Variants in PDE8A observed in about 807,000 individuals in gnomAD.
PDE8A encodes the protein phosphodiesterase 8A.
A neutral mutation model predicts 105.0 loss-of-function variants in PDE8A; 59 were observed. The observed-to-expected ratio is 0.56, with a 90% CI of 0.46 to 0.70. The LOEUF is 0.70. Ranked by LOEUF, PDE8A falls within the 30% of genes least tolerant of loss-of-function variation. The pLI, the probability that PDE8A is intolerant of heterozygous loss-of-function variation, is 0.00. For missense variants in PDE8A, 1,014 were observed against 1,045.9 expected, an observed-to-expected ratio of 0.97 and a Z score of 0.42; for synonymous variants, 355 against 371.9, an observed-to-expected ratio of 0.95 and a Z score of 0.52.
intron 6 of PDE8A, among the ~76,000 whole-genome samples, chr15:85,087,858 G>C (rs1388013350): frequency 1.3e-5 from 2 of 152,066 alleles, no homozygotes; most frequent in African/African-American, 4.8e-5. Flanking sequence ...TTAATGCCTA[G>C]AACATTTTTC....
chr15:85,110,891 G>A (rs2082012032), intron 12 of PDE8A, among the ~76,000 whole-genome samples: 1 of 152,178 alleles, frequency 6.6e-6, no homozygotes, highest in Non-Finnish European at 1.5e-5. Context: ...TCACTCATCT[G>A]TGAGAGTTCC....
intron 16 of PDE8A, among the ~76,000 whole-genome samples, chr15:85,117,141 A>G (rs2082108841): frequency 1.3e-5 from 2 of 152,232 alleles, no homozygotes; most frequent in South Asian, 2.1e-4. Context: ...GCCCACCTCC[A>G]GAAAGGTGGG....
At chr15:85,058,666 C>T (rs2081099815) in intron 1 of PDE8A, among the ~76,000 whole-genome samples, 1 of 152,010 alleles carries the variant, frequency 6.6e-6, no homozygotes, top group South Asian at 2.1e-4. Flanking sequence ...CCATTTTATC[C>T]AGATTATCCA....
At position 85,092,936 on chromosome 15, in the gene PDE8A, T is replaced by C. The variant is rs1279124385; in HGVS notation, c.852+1755T>C. On this transcript the variant is annotated intron_variant, in intron 8 of 21. Transcript: ENST00000394553. ...ACTGCTTTCCTTTTTTTTTTTTTTT[T>C]CTTGAGACAGGGTCTCATTCTGTCA... is the stretch of plus-strand genomic sequence containing the variant. Among the ~76,000 whole-genome samples, 10 of 108,270 alleles carry C rather than the reference T, an allele frequency of 9.2e-5. No individual in the cohort carries two copies. The East Asian group carries it at 2.1e-3, about 23-fold the overall frequency. The allele number at this position is 108,270 out of a possible 152,430, so 71.0% of individuals were successfully genotyped here.
At chr15:85,093,698 T>G (rs528895238) in intron 8 of PDE8A, among the ~76,000 whole-genome samples, 12 of 152,338 alleles carry the variant, frequency 7.9e-5, no homozygotes, top group African/African-American at 2.6e-4. Context: ...GGTATGTTGA[T>G]TTCCAGCCCC....
At position 85,138,455 on chromosome 15, in the gene PDE8A, A is replaced by T. The variant is rs867067713; in HGVS notation, c.*552A>T. The stretch of plus-strand genomic sequence containing the variant: ...AAAATGTTTTATTTATTTTATTAAA[A>T]GCTCAATATTTTCTATGAATTCAAA... On this transcript the variant is annotated 3_prime_UTR_variant, in exon 22 of 22. Coordinates refer to ENST00000394553, the MANE Select transcript of PDE8A (RefSeq NM_002605.3). 6.6e-6 allele frequency: 1 copy of T among 152,654 alleles called. No homozygotes were observed. The highest frequency in any genetic ancestry group is 1.5e-5 in the Non-Finnish European group (1 of 68,050). 9.5% of individuals were successfully genotyped at this position (152,654 alleles called of 1,614,324 possible). A position where few individuals can be genotyped will look rare whatever the true frequency, so the allele number is the denominator to read the frequency against.
chr15:85,131,030 T>G (rs1302181077), intron 20 of PDE8A, among the ~76,000 whole-genome samples: 3 of 152,218 alleles, frequency 2.0e-5, no homozygotes, highest in African/African-American at 7.2e-5. Flanking sequence ...GTGCTGAGAT[T>G]ACAGGCCTGA....
intron 8 of PDE8A, among the ~76,000 whole-genome samples, chr15:85,093,296 G>A (rs2081680135): frequency 6.6e-6 from 1 of 152,210 alleles, no homozygotes; most frequent in African/African-American, 2.4e-5. Flanking sequence ...CCTTTGTCAG[G>A]AACCTGCTGG....
chr15:85,049,075 C>T (rs1261872677), intron 1 of PDE8A, among the ~76,000 whole-genome samples: 1 of 151,936 alleles, frequency 6.6e-6, no homozygotes, highest in East Asian at 1.9e-4. Context: ...GCACTCTAGC[C>T]TGGGCGACAG....
At chr15:85,015,244 C>CTTTTTT (rs71138359) in intron 1 of PDE8A, among the ~76,000 whole-genome samples, 1 of 149,638 alleles carries the variant, frequency 6.7e-6, no homozygotes, top group African/African-American at 2.5e-5. Context: ...GTGCATAAGT[C>CTTTTTT]TTTTTTTTTT....
chr15:85,036,231 C>G (rs1408541590), intron 1 of PDE8A, among the ~76,000 whole-genome samples: 4 of 152,188 alleles, frequency 2.6e-5, no homozygotes, highest in African/African-American at 9.7e-5. Context: ...GTACTGCATT[C>G]CCTGTCTTCT....
intron 1 of PDE8A, among the ~76,000 whole-genome samples, chr15:85,023,190 G>A (rs945612989): frequency 5.9e-5 from 9 of 152,188 alleles, no homozygotes; most frequent in Non-Finnish European, 1.0e-4. Context: ...CTAAGAGTTA[G>A]CAGGTACACG....
intron 6 of PDE8A, among the ~76,000 whole-genome samples, chr15:85,088,688 G>A: frequency 6.6e-6 from 1 of 152,128 alleles, no homozygotes; most frequent in Non-Finnish European, 1.5e-5. Flanking sequence ...GTTATCGACT[G>A]TCTTTTTTAT....
intron 1 of PDE8A, among the ~76,000 whole-genome samples, chr15:85,062,337 G>A (rs1432753931): frequency 1.3e-5 from 2 of 152,140 alleles, no homozygotes; most frequent in African/African-American, 2.4e-5. Context: ...GGTCTTCTCA[G>A]GCATTTTCTA....
At chr15:85,004,035 A>G (rs2080106966) in intron 1 of PDE8A, among the ~76,000 whole-genome samples, 1 of 152,202 alleles carries the variant, frequency 6.6e-6, no homozygotes, top group African/African-American at 2.4e-5. Context: ...CAGATTACTT[A>G]CTTTCCATTG....
chr15:85,052,618 C>T (rs1264923248), intron 1 of PDE8A, among the ~76,000 whole-genome samples: 2 of 152,164 alleles, frequency 1.3e-5, no homozygotes, highest in Non-Finnish European at 2.9e-5. Context: ...GCATAAATGT[C>T]TTCTTTTGAG....
chr15:85,093,304 T>C (rs2081680404), intron 8 of PDE8A, among the ~76,000 whole-genome samples: 1 of 152,206 alleles, frequency 6.6e-6, no homozygotes, highest in African/African-American at 2.4e-5. Flanking sequence ...AGGAACCTGC[T>C]GGTCTATGGG....
chr15:85,072,584 G>A (rs1369762045), intron 3 of PDE8A, among the ~76,000 whole-genome samples: 1 of 152,168 alleles, frequency 6.6e-6, no homozygotes, highest in Non-Finnish European at 1.5e-5. Context: ...TATGGCTAGT[G>A]TTCAGTATCT....
chr15:85,095,233 A>C (rs985632079), intron 8 of PDE8A, among the ~76,000 whole-genome samples: 2 of 152,172 alleles, frequency 1.3e-5, no homozygotes, highest in Non-Finnish European at 2.9e-5. Context: ...CATTTACTGA[A>C]TGTTTACTGT....
Sources: allele counts gnomAD v4.1 joint callset (sites outside exome capture counted in the v4.1 genomes callset), GRCh38; gene constraint gnomAD v4.1.1; transcripts MANE v1.5; gene names NCBI Gene and HGNC (gene_info 2026-07-23, HGNC 2026-07-21).